NAT14: variants seen among roughly 807,000 people sequenced by gnomAD.
The protein encoded by NAT14 is N-acetyltransferase 14 (putative).
Under a neutral mutation model 12.1 loss-of-function variants are expected in NAT14, and 14 were observed. The observed-to-expected ratio is 1.16, with a 90% CI of 0.76 to 1.81. The LOEUF is 1.81. NAT14 is among the 40% of genes most tolerant of loss of function. NAT14 has a pLI of 0.00. For synonymous variants in NAT14, 156 were observed against 145.1 expected (o/e 1.08, Z -0.54); for missense variants, 341 against 304.3 (o/e 1.12, Z -0.90).
Position 55,486,752 on chromosome 19 carries a change from G to A in NAT14, c.417G>A (p.Val139=). The part of the protein sequence containing the change: ...SVSRWHRRRG[V]GRRLLAFAEA... Reference sequence around the variant, plus strand: ...CTCGCTGGCACCGCCGCCGGGGCGTGGGCAGGAGGCTGCTGGCCTTCGCGG... The same window carrying A: ...CTCGCTGGCACCGCCGCCGGGGCGTAGGCAGGAGGCTGCTGGCCTTCGCGG... Residue 139 remains valine (V), a synonymous_variant, in exon 3 of 3, where the codon GTG becomes GTA. Transcript: ENST00000205194. The A allele has an allele frequency of 7.1e-7, 1 of 1,418,382 alleles. No homozygotes were observed. Among genetic ancestry groups the A allele is most frequent in the Non-Finnish European group, 9.1e-7 (1 of 1,097,576 alleles). The allele number at this position is 1,418,382 out of a possible 1,614,324, so 87.9% of individuals were successfully genotyped here.
rs1986916727 is a variant in NAT14, at chr19:55,486,502, G to A, written c.167G>A (p.Arg56His). The A allele has an allele frequency of 2.5e-6, 4 of 1,580,374 alleles. No homozygotes were observed. Among genetic ancestry groups the A allele is most frequent in the Non-Finnish European group, 2.6e-6 (3 of 1,170,490 alleles). The change falls in exon 3 of 3, where the codon CGC (arginine) becomes CAC (histidine). Residue 56 changes from arginine to histidine, a missense_variant. By Grantham distance (29) the Arg-to-His change is conservative. Transcript: ENST00000205194. ...LLLAAASSGL[R>H]FVLASFALAL... The stretch of plus-strand genomic sequence containing the variant: ...CTGGCGGCGGCCAGCAGCGGCCTGC[G>A]CTTTGTCCTGGCTTCCTTCGCCCTG...
chr19:55,486,839 C>G lies in NAT14; in HGVS notation c.504C>G (p.Pro168=). 1 of 1,519,824 alleles carries G rather than the reference C, an allele frequency of 6.6e-7. No individual in the cohort carries two copies. Among genetic ancestry groups the G allele is most frequent in the Non-Finnish European group, 8.8e-7 (1 of 1,140,422 alleles). 94.1% of individuals were successfully genotyped at this position (1,519,824 alleles called of 1,614,324 possible). A position where few individuals can be genotyped will look rare whatever the true frequency, so the allele number is the denominator to read the frequency against. The stretch of plus-strand genomic sequence containing the variant: ...AGCCCCGGGCCCGGCTCGTGGTCCC[C>G]GTGGCTGTGGCCGCCTGGGGGGTGG... ...MGEPRARLVV[P]VAVAAWGVGG... Residue 168 remains proline (P), a synonymous_variant, in exon 3 of 3, where the codon CCC becomes CCG. Coordinates refer to ENST00000205194, the MANE Select transcript of NAT14 (RefSeq NM_020378.4).
rs1309959338 is a variant in NAT14, at chr19:55,485,694, G to A, written c.-15G>A. ...CGCCAGCTCCCTTCTGGGGGGCCGG[G>A]GCCTGGGGGTTGCCATGGCCCCCAG... On this transcript the variant is annotated 5_prime_UTR_variant, in exon 2 of 3. Transcript: ENST00000205194. 3.2e-6 allele frequency: 5 copies of A among 1,548,418 alleles called. No homozygotes were observed. Among genetic ancestry groups the A allele is most frequent in the Non-Finnish European group, 4.4e-6 (5 of 1,144,340 alleles).
rs1453676937 is a variant in NAT14, at chr19:55,486,989, G to C, written c.*33G>C. The C allele has an allele frequency of 6.6e-7, 1 of 1,526,058 alleles. No individual in the cohort carries two copies. The highest frequency in any genetic ancestry group is 8.7e-7 in the Non-Finnish European group (1 of 1,143,592). 94.5% of individuals were successfully genotyped at this position (1,526,058 alleles called of 1,614,324 possible). A position where few individuals can be genotyped will look rare whatever the true frequency, so the allele number is the denominator to read the frequency against. On this transcript the variant is annotated 3_prime_UTR_variant, in exon 3 of 3. Transcript: ENST00000205194. ...GACTGACAGCCAGGGCAGGGGAGGAGGGAGGGGCGCCAGCACCTGATGATC... is the reference window on the plus strand; with the variant it reads ...GACTGACAGCCAGGGCAGGGGAGGACGGAGGGGCGCCAGCACCTGATGATC...
chr19:55,487,123 C>G lies in NAT14; in HGVS notation c.*167C>G, dbSNP rs533528053. The G allele has an allele frequency of 1.1e-5, 12 of 1,053,090 alleles. No individual in the cohort carries two copies. The African/African-American group carries it at 2.0e-4, about 18-fold the overall frequency. The allele number at this position is 1,053,090 out of a possible 1,614,324, so 65.2% of individuals were successfully genotyped here. A position where few individuals can be genotyped will look rare whatever the true frequency, so the allele number is the denominator to read the frequency against. On this transcript the variant is annotated 3_prime_UTR_variant, in exon 3 of 3. Transcript: ENST00000205194. ...GGGAGGAGCCTGGCCTCTGTCCACCCGTCAGCAGTGTGAAGTCTGTTGTGT... is the reference window on the plus strand; with the variant it reads ...GGGAGGAGCCTGGCCTCTGTCCACCGGTCAGCAGTGTGAAGTCTGTTGTGT...
Position 55,486,448 on chromosome 19 carries a change from C to G in NAT14, c.113C>G (p.Ala38Gly). The change falls in exon 3 of 3, where the codon GCC (alanine) becomes GGC (glycine). Residue 38 changes from alanine (A) to glycine (G), a missense_variant. Physicochemically the swap from Ala to Gly is moderately conservative, Grantham distance 60. Transcript: ENST00000205194. Reference sequence around the variant, plus strand: ...ACGGAAAACCGCGTGGCCCTCCATGCCTTGACACGGCCGCCGGCCCTGCTC... The same window carrying G: ...ACGGAAAACCGCGTGGCCCTCCATGGCTTGACACGGCCGCCGGCCCTGCTC... ...KDTENRVALH[A>G]LTRPPALLLL... 6.5e-7 allele frequency: 1 copy of G among 1,531,418 alleles called. No individual in the cohort carries two copies. Among genetic ancestry groups the G allele is most frequent in the South Asian group, 1.2e-5 (1 of 80,812 alleles). 94.9% of individuals were successfully genotyped at this position (1,531,418 alleles called of 1,614,324 possible).
intron 1 of NAT14, 36 bp from the exon 2 acceptor site, chr19:55,485,625 G>A (rs976089474): frequency 3.6e-5 from 41 of 1,145,482 alleles, no homozygotes; most frequent in Admixed American, 1.7e-4. Context: ...GGACAGAGGT[G>A]CCCCCCTGAC....
Position 55,485,679 on chromosome 19 carries a change from C to A in NAT14, c.-30C>A. The A allele has an allele frequency of 6.5e-7, 1 of 1,541,500 alleles. No homozygotes were observed. Among genetic ancestry groups the A allele is most frequent in the Non-Finnish European group, 8.8e-7 (1 of 1,138,016 alleles). On this transcript the variant is annotated 5_prime_UTR_variant, in exon 2 of 3. Transcript: ENST00000205194. ...TCACCAGGTGCACGACGCCAGCTCCCTTCTGGGGGGCCGGGGCCTGGGGGT... is the reference window on the plus strand; with the variant it reads ...TCACCAGGTGCACGACGCCAGCTCCATTCTGGGGGGCCGGGGCCTGGGGGT...
rs905776868 is a variant in NAT14, at chr19:55,487,415, G to A, written c.*459G>A. 251 of 403,182 alleles carry A rather than the reference G, an allele frequency of 6.2e-4. 1 individual carries two copies. Among genetic ancestry groups the A allele is most frequent in the Non-Finnish European group, 1.0e-3 (228 of 228,908 alleles). 25.0% of individuals were successfully genotyped at this position (403,182 alleles called of 1,614,324 possible). On this transcript the variant is annotated 3_prime_UTR_variant, in exon 3 of 3. Coordinates refer to ENST00000205194, the MANE Select transcript of NAT14 (RefSeq NM_020378.4). ...TTGGGTCAGATGCCTGTCCTTGGAG[G>A]GGACAAGGTTGACTGCTTAGGAGGC...
At position 55,486,653 on chromosome 19, in the gene NAT14, C is replaced by T. The variant is rs758861168; in HGVS notation, c.318C>T (p.Asp106=). ...GPWVAVRGSG[D]VCGVLALAPG... ...GGGTGGCCGTGCGGGGCTCCGGTGA[C>T]GTGTGTGGGGTCCTGGCTCTGGCCC... The change falls in exon 3 of 3, where the codon GAC becomes GAT. Residue 106 remains aspartate, a synonymous_variant. Coordinates refer to ENST00000205194, the MANE Select transcript of NAT14 (RefSeq NM_020378.4). 24 of 1,494,256 alleles carry T rather than the reference C, an allele frequency of 1.6e-5. No homozygotes were observed. In the South Asian group the frequency reaches 1.8e-4, roughly 11 times the overall value. 92.6% of individuals were successfully genotyped at this position (1,494,256 alleles called of 1,614,324 possible).
In NAT14 at chr19:55,487,005, C is replaced by G. The variant is rs751021446; in HGVS notation, c.*49C>G. The G allele has an allele frequency of 6.6e-7, 1 of 1,514,746 alleles. No homozygotes were observed. Among genetic ancestry groups the G allele is most frequent in the Non-Finnish European group, 8.8e-7 (1 of 1,137,760 alleles). The allele number at this position is 1,514,746 out of a possible 1,614,324, so 93.8% of individuals were successfully genotyped here. ...AGGGGAGGAGGGAGGGGCGCCAGCA[C>G]CTGATGATCGCCTACTGTCTGCGGG... On this transcript the variant is annotated 3_prime_UTR_variant, in exon 3 of 3. Coordinates refer to ENST00000205194, the MANE Select transcript of NAT14 (RefSeq NM_020378.4).
Position 55,486,417 on chromosome 19 carries a change from A to C in NAT14, c.82A>C (p.Lys28Gln). Residue 28 changes from lysine to glutamine, a missense_variant, in exon 3 of 3, where the codon AAG becomes CAG. Physicochemically the swap from Lys to Gln is moderately conservative, Grantham distance 53. Coordinates refer to ENST00000205194, the MANE Select transcript of NAT14 (RefSeq NM_020378.4). ...LVLEMLKAGV[K>Q]DTENRVALHA... ...CCCCTCCTGCCCACAGGCCGGCGTG[A>C]AGGACACGGAAAACCGCGTGGCCCT... 6.8e-7 allele frequency: 1 copy of C among 1,475,070 alleles called. No individual in the cohort carries two copies. The highest frequency in any genetic ancestry group is 8.9e-7 in the Non-Finnish European group (1 of 1,120,666). 91.4% of individuals were successfully genotyped at this position (1,475,070 alleles called of 1,614,324 possible).
In NAT14 at chr19:55,486,806, C is replaced by G. The variant is rs1026343667; in HGVS notation, c.471C>G (p.Gly157=). 6.7e-7 allele frequency: 1 copy of G among 1,490,206 alleles called. No individual in the cohort carries two copies. The highest frequency in any genetic ancestry group is 8.9e-7 in the Non-Finnish European group (1 of 1,126,772). 92.3% of individuals were successfully genotyped at this position (1,490,206 alleles called of 1,614,324 possible). The change falls in exon 3 of 3, where the codon GGC becomes GGG. Residue 157 remains glycine (G), a synonymous_variant. Coordinates refer to ENST00000205194, the MANE Select transcript of NAT14 (RefSeq NM_020378.4). ...AEARARAWAG[G]MGEPRARLVV... Reference sequence around the variant, plus strand: ...CCCGGGCTCGGGCCTGGGCTGGGGGCATGGGGGAGCCCCGGGCCCGGCTCG... The same window carrying G: ...CCCGGGCTCGGGCCTGGGCTGGGGGGATGGGGGAGCCCCGGGCCCGGCTCG...
intron 2 of NAT14, 54 bp downstream of exon 2, chr19:55,485,834 A>C (rs1372033882): frequency 1.5e-6 from 2 of 1,354,060 alleles, no homozygotes; most frequent in Non-Finnish European, 2.1e-6. Context: ...GGGGAATTGC[A>C]AGTGGATTCA....
chr19:55,486,898 A>T lies in NAT14; in HGVS notation c.563A>T (p.Glu188Val), dbSNP rs977707680. 21 of 1,504,430 alleles carry T rather than the reference A, an allele frequency of 1.4e-5. No individual in the cohort carries two copies. The highest frequency in any genetic ancestry group is 1.8e-5 in the Non-Finnish European group (20 of 1,132,898). 93.2% of individuals were successfully genotyped at this position (1,504,430 alleles called of 1,614,324 possible). A position where few individuals can be genotyped will look rare whatever the true frequency, so the allele number is the denominator to read the frequency against. Residue 188 changes from glutamate to valine, a missense_variant, in exon 3 of 3, where the codon GAG (glutamate) becomes GTG (valine). Glu to Val is a moderately radical substitution (Grantham distance 121). Coordinates refer to ENST00000205194, the MANE Select transcript of NAT14 (RefSeq NM_020378.4). ...CTGGAGGGCTGTGGCTACCAGGCCG[A>T]GGGGGGCTGGGGCTGCCTGGGCTAC... The part of the protein sequence containing the change: ...GMLEGCGYQA[E>V]GGWGCLGYTL...
rs768758617 is a variant in NAT14 at position 55,486,969 on chromosome 19, A to G, written c.*13A>G. The G allele has an allele frequency of 9.7e-6, 15 of 1,543,480 alleles. 1 individual carries two copies. The East Asian group carries it at 3.2e-4, about 33-fold the overall frequency. On this transcript the variant is annotated 3_prime_UTR_variant, in exon 3 of 3. Coordinates refer to ENST00000205194, the MANE Select transcript of NAT14 (RefSeq NM_020378.4). ...CAAAGACCTGTGAAGCTACAGACTG[A>G]CAGCCAGGGCAGGGGAGGAGGGAGG...
intron 2 of NAT14, 188 bp from the exon 3 acceptor site, chr19:55,486,220 C>A: frequency 1.3e-6 from 1 of 750,718 alleles, no homozygotes; most frequent in Non-Finnish European, 2.0e-6. Flanking sequence ...CTAATTCACT[C>A]ATCCATCCAT....
Position 55,486,463 on chromosome 19 carries a change from C to A in NAT14, c.128C>A (p.Pro43Gln). ...GCCCTCCATGCCTTGACACGGCCGCCGGCCCTGCTCCTCCTGGCGGCGGCC... is the reference window on the plus strand; with the variant it reads ...GCCCTCCATGCCTTGACACGGCCGCAGGCCCTGCTCCTCCTGGCGGCGGCC... ...RVALHALTRP[P>Q]ALLLLAAASS... Residue 43 changes from proline to glutamine, a missense_variant, in exon 3 of 3, where the codon CCG (proline) becomes CAG (glutamine). By Grantham distance (76) the Pro-to-Gln change is moderately conservative. Transcript: ENST00000205194. 1 of 1,547,130 alleles carries A rather than the reference C, an allele frequency of 6.5e-7. No homozygotes were observed. Among genetic ancestry groups the A allele is most frequent in the Non-Finnish European group, 8.6e-7 (1 of 1,156,166 alleles).
chr19:55,486,218 C>G, intron 2 of NAT14, 190 bp from the exon 3 acceptor site: 2 of 745,240 alleles, frequency 2.7e-6, no homozygotes, highest in Non-Finnish European at 4.0e-6. Context: ...TCCTAATTCA[C>G]TCATCCATCC....
Sources: gnomAD v4.1 joint callset for allele counts on GRCh38, gnomAD v4.1.1 for gene constraint, MANE v1.5 for transcripts, NCBI Gene and HGNC (gene_info 2026-07-23, HGNC 2026-07-21) for gene names.